GRIN3B: variants seen among roughly 807,000 people sequenced by gnomAD.
The protein encoded by GRIN3B is glutamate ionotropic receptor NMDA type subunit 3B, also known as glutamate receptor ionotropic, NMDA 3B.
A neutral mutation model predicts 66.0 loss-of-function variants in GRIN3B; 77 were observed. The ratio of observed to expected loss-of-function variants is 1.17; its 90% CI spans 0.97 to 1.41. The LOEUF is 1.41. Ranked by LOEUF, GRIN3B falls within the 40% of genes most tolerant of loss-of-function variation. The pLI is 0.00. For missense variants in GRIN3B, 1,787 were observed against 1,564.5 expected (o/e 1.14, Z -2.40); for synonymous variants, 823 against 749.7 (o/e 1.10, Z -1.60).
In GRIN3B at chr19:1,004,838, T is replaced by G. The variant is rs761292242; in HGVS notation, c.1337T>G (p.Leu446Arg). 1 of 1,612,442 alleles carries G rather than the reference T, an allele frequency of 6.2e-7. No homozygotes were observed. The highest frequency in any genetic ancestry group is 1.1e-5 in the South Asian group (1 of 91,058). ...DGQCPAGQLCLDPGTNDSATL... is the reference protein window; with the variant it reads ...DGQCPAGQLCRDPGTNDSATL... ...CAGTGCCCAGCGGGGCAGCTGTGCC[T>G]GGACCCTGGCACCAACGACTCGGCC... The change falls in exon 3 of 9, where the codon CTG becomes CGG. Residue 446 changes from leucine (L) to arginine (R), a missense_variant. Transcript: ENST00000234389.
chr19:1,000,583 C>A lies in GRIN3B; in HGVS notation c.146C>A (p.Ala49Asp), dbSNP rs1331993554. Residue 49 changes from alanine to aspartate, a missense_variant, in exon 1 of 9, where the codon GCC (alanine) becomes GAC (aspartate). Physicochemically the swap from Ala to Asp is moderately radical, Grantham distance 126 (BLOSUM62 -2). Coordinates refer to ENST00000234389, the MANE Select transcript of GRIN3B (RefSeq NM_138690.3). ...LGALLPRAPL[A>D]RARARAALAR... ...GCCCTCCTGCCCCGCGCGCCTCTCG[C>A]CCGCGCCCGCGCCCGCGCCGCCCTG... The A allele has an allele frequency of 9.9e-7, 1 of 1,010,004 alleles. No individual in the cohort carries two copies. Among genetic ancestry groups the A allele is most frequent in the Non-Finnish European group, 1.2e-6 (1 of 848,160 alleles). 62.6% of individuals were successfully genotyped at this position (1,010,004 alleles called of 1,614,324 possible).
At position 1,007,605 on chromosome 19, in the gene GRIN3B, C is replaced by T. The variant is rs2038764581; in HGVS notation, c.2053-23C>T. Reference sequence around the variant, plus strand: ...AGGGGTCCTGAGGGGCAGGCAGAGGCGCTGACGGGGTCCCCCGCGCAGCTG... The same window carrying T: ...AGGGGTCCTGAGGGGCAGGCAGAGGTGCTGACGGGGTCCCCCGCGCAGCTG... On this transcript the variant is annotated intron_variant, in intron 3 of 8. Coordinates refer to ENST00000234389, the MANE Select transcript of GRIN3B (RefSeq NM_138690.3). The surrounding 1 kb of genome is among the most constrained non-coding windows in gnomAD (Gnocchi z 4.4). 1.4e-6 allele frequency: 2 copies of T among 1,473,614 alleles called. No individual in the cohort carries two copies. The highest frequency in any genetic ancestry group is 2.6e-5 in the South Asian group (2 of 75,804). 91.3% of individuals were successfully genotyped at this position (1,473,614 alleles called of 1,614,324 possible).
chr19:1,004,720 C>A lies in GRIN3B; in HGVS notation c.1219C>A (p.Pro407Thr), dbSNP rs764918112. The change falls in exon 3 of 9, where the codon CCC (proline) becomes ACC (threonine). Residue 407 changes from proline (P) to threonine (T), a missense_variant. Pro to Thr is a conservative substitution (Grantham distance 38, BLOSUM62 -1). Coordinates refer to ENST00000234389, the MANE Select transcript of GRIN3B (RefSeq NM_138690.3). Reference sequence around the variant, plus strand: ...GGGAGGTGCCTCTGCACGGCCCCCGCCCCCACAGGGTGCCCAGGTCTGGCC... The same window carrying A: ...GGGAGGTGCCTCTGCACGGCCCCCGACCCCACAGGGTGCCCAGGTCTGGCC... ...EPGGASARPP[P>T]PQGAQVWPKL... 6.2e-7 allele frequency: 1 copy of A among 1,605,968 alleles called. No homozygotes were observed. The highest frequency in any genetic ancestry group is 8.5e-7 in the Non-Finnish European group (1 of 1,175,326).
chr19:1,007,902 C>CT lies in GRIN3B; in HGVS notation c.2246dup (p.Asp750GlyfsTer22), dbSNP rs755191805. On this transcript the variant is annotated frameshift_variant, in exon 5 of 9. Coordinates refer to ENST00000234389, the MANE Select transcript of GRIN3B (RefSeq NM_138690.3). LOFTEE classifies it high-confidence loss of function. This position sits in a 1 kb window ranked among gnomAD's most constrained non-coding sequence, Gnocchi z 4.4. ...CGCCTTCATCATGGACAAGTCGCTC[C>CT]TGGACTACGAGGTCTCCATCGACGC... 6.2e-7 allele frequency: 1 copy of CT among 1,611,980 alleles called. No homozygotes were observed. The highest frequency in any genetic ancestry group is 8.5e-7 in the Non-Finnish European group (1 of 1,179,584).
In GRIN3B at chr19:1,009,186, G is replaced by GAGCAGCAGC. The variant is rs142853420; in HGVS notation, c.2728_2736dup (p.Gln910_Gln912dup). The GAGCAGCAGC allele has an allele frequency of 1.3e-5, 19 of 1,471,616 alleles. No homozygotes were observed. Among genetic ancestry groups the GAGCAGCAGC allele is most frequent in the Middle Eastern group, 2.3e-4 (1 of 4,324 alleles). 91.2% of individuals were successfully genotyped at this position (1,471,616 alleles called of 1,614,324 possible). On this transcript the variant is annotated inframe_insertion, in exon 9 of 9. Transcript: ENST00000234389. ...TTCCGTCCCCAGCGGCCCCGAGGTGGAGCAGCAGCAGCAGCAGCAGGACCA... is the reference window on the plus strand; with the variant it reads ...TTCCGTCCCCAGCGGCCCCGAGGTGGAGCAGCAGCAGCAGCAGCAGCAGCAGCAGGACCA...
rs2038739715 is a variant in GRIN3B at position 1,005,551 on chromosome 19, A to C, written c.2050A>C (p.Lys684Gln). The C allele has an allele frequency of 6.3e-7, 1 of 1,585,540 alleles. No homozygotes were observed. Among genetic ancestry groups the C allele is most frequent in the East Asian group, 2.3e-5 (1 of 44,158 alleles). Residue 684 changes from lysine (K) to glutamine (Q), a missense_variant and splice_region_variant, in exon 3 of 9, where the codon AAG (lysine) becomes CAG (glutamine). Transcript: ENST00000234389. The surrounding 1 kb of genome is among the most constrained non-coding windows in gnomAD (Gnocchi z 5.2). ...FEELSGIHDP[K>Q]LHHPAQGFRF... The stretch of plus-strand genomic sequence containing the variant: ...GGAGCTGTCGGGGATCCACGACCCC[A>C]AGGTGGGCGGCCTCGGGGGGCTGCG...
rs1286530882 is a variant in GRIN3B, at chr19:1,007,361, G to A, written c.2053-267G>A. ...CAGCCCAGGGCGAGGTCCAGGTGGA[G>A]ATGGACTTGCCGGCGTTTAGAACAG... is the stretch of plus-strand genomic sequence containing the variant. On this transcript the variant is annotated intron_variant, in intron 3 of 8. Coordinates refer to ENST00000234389, the MANE Select transcript of GRIN3B (RefSeq NM_138690.3). The surrounding 1 kb of genome is among the most constrained non-coding windows in gnomAD (Gnocchi z 4.4). 3.3e-5 allele frequency among the ~76,000 whole-genome samples: 5 copies of A among 152,032 alleles called. No homozygotes were observed. Among genetic ancestry groups the A allele is most frequent in the Non-Finnish European group, 5.9e-5 (4 of 67,962 alleles).
Position 1,007,679 on chromosome 19 carries a change from G to T in GRIN3B, c.2104G>T (p.Ala702Ser). 1 of 1,536,160 alleles carries T rather than the reference G, an allele frequency of 6.5e-7. No homozygotes were observed. ...FRFGTVWESS[A>S]EAYIKKSFPD... ...CTTCGGCACCGTGTGGGAGAGCAGC[G>T]CCGAGGCGTACATCAAGAAGAGCTT... is the stretch of plus-strand genomic sequence containing the variant. The change falls in exon 4 of 9, where the codon GCC (alanine) becomes TCC (serine). Residue 702 changes from alanine to serine, a missense_variant. By Grantham distance (99) the Ala-to-Ser change is moderately conservative. Transcript: ENST00000234389. The surrounding 1 kb of genome is among the most constrained non-coding windows in gnomAD (Gnocchi z 4.4).
At position 1,009,224 on chromosome 19, in the gene GRIN3B, G is replaced by A; in HGVS notation, c.2754G>A (p.Pro918=). Residue 918 remains proline, a synonymous_variant, in exon 9 of 9, where the codon CCG becomes CCA. Transcript: ENST00000234389. ...QQQQQDQPTA[P]EGWKRARRAV... ...AGCAGCAGGACCAGCCAACGGCTCCGGAGGGCTGGAAACGGGCGCGCCGGG... is the reference window on the plus strand; with the variant it reads ...AGCAGCAGGACCAGCCAACGGCTCCAGAGGGCTGGAAACGGGCGCGCCGGG... 1 of 1,465,988 alleles carries A rather than the reference G, an allele frequency of 6.8e-7. No homozygotes were observed. Among genetic ancestry groups the A allele is most frequent in the Non-Finnish European group, 8.9e-7 (1 of 1,120,054 alleles). 90.8% of individuals were successfully genotyped at this position (1,465,988 alleles called of 1,614,324 possible). A position where few individuals can be genotyped will look rare whatever the true frequency, so the allele number is the denominator to read the frequency against.
Position 1,008,704 on chromosome 19 carries a change from C to A in GRIN3B, c.2553C>A (p.Gly851=), listed in dbSNP as rs78018859. Residue 851 remains glycine, a synonymous_variant, in exon 7 of 9, where the codon GGC becomes GGA. Transcript: ENST00000234389. ...GLGSALLSSL[G]EHAFFRLALP... ...GCAGCGCTCTGCTCAGCTCGCTGGG[C>A]GAGCACGCCTTCTTCCGCCTGGCGC... 6.8e-6 allele frequency: 11 copies of A among 1,607,932 alleles called. No homozygotes were observed. In the Admixed American group the frequency reaches 1.8e-4, roughly 27 times the overall value.
Position 1,007,599 on chromosome 19 carries a change from C to G in GRIN3B, c.2053-29C>G. The G allele has an allele frequency of 6.8e-7, 1 of 1,464,904 alleles. No individual in the cohort carries two copies. Among genetic ancestry groups the G allele is most frequent in the Non-Finnish European group, 9.0e-7 (1 of 1,110,960 alleles). The allele number at this position is 1,464,904 out of a possible 1,614,324, so 90.7% of individuals were successfully genotyped here. A position where few individuals can be genotyped will look rare whatever the true frequency, so the allele number is the denominator to read the frequency against. On this transcript the variant is annotated intron_variant, in intron 3 of 8. Coordinates refer to ENST00000234389, the MANE Select transcript of GRIN3B (RefSeq NM_138690.3). The surrounding 1 kb of genome is among the most constrained non-coding windows in gnomAD (Gnocchi z 4.4). Reference sequence around the variant, plus strand: ...ATGGTCAGGGGTCCTGAGGGGCAGGCAGAGGCGCTGACGGGGTCCCCCGCG... The same window carrying G: ...ATGGTCAGGGGTCCTGAGGGGCAGGGAGAGGCGCTGACGGGGTCCCCCGCG...
chr19:1,000,628 C>G lies in GRIN3B; in HGVS notation c.191C>G (p.Pro64Arg). ...GCCCTGGCCCGGGCCGCCCTGGCGC[C>G]GCGGCTGCCGCACAACCTGAGCTTG... ...RAALARAALA[P>R]RLPHNLSLEL... The change falls in exon 1 of 9, where the codon CCG becomes CGG. Residue 64 changes from proline to arginine, a missense_variant. By Grantham distance (103) the Pro-to-Arg change is moderately radical. Coordinates refer to ENST00000234389, the MANE Select transcript of GRIN3B (RefSeq NM_138690.3). 2.5e-6 allele frequency: 3 copies of G among 1,191,912 alleles called. No individual in the cohort carries two copies. Among genetic ancestry groups the G allele is most frequent in the Non-Finnish European group, 3.1e-6 (3 of 964,428 alleles). 73.8% of individuals were successfully genotyped at this position (1,191,912 alleles called of 1,614,324 possible).
At position 1,009,682 on chromosome 19, in the gene GRIN3B, C is replaced by G. The variant is rs538503675; in HGVS notation, c.*80C>G. On this transcript the variant is annotated 3_prime_UTR_variant, in exon 9 of 9. Transcript: ENST00000234389. The stretch of plus-strand genomic sequence containing the variant: ...GTCAACAGACAGTTTATTCTATATA[C>G]AAACACAATTTTGTACACTGCAATT... 214 of 1,159,800 alleles carry G rather than the reference C, an allele frequency of 1.8e-4. No homozygotes were observed. The highest frequency in any genetic ancestry group is 2.2e-4 in the Non-Finnish European group (192 of 886,636). The allele number at this position is 1,159,800 out of a possible 1,614,324, so 71.8% of individuals were successfully genotyped here.
intron 8 of GRIN3B, 81 bp from the exon 9 acceptor site, chr19:1,009,092 T>C (rs2038803855): frequency 2.8e-6 from 4 of 1,443,260 alleles, no homozygotes; most frequent in Non-Finnish European, 3.6e-6. Flanking sequence ...GGCCATCCTC[T>C]GCCGTCAGCG....
chr19:1,008,645 G>A lies in GRIN3B; in HGVS notation c.2494G>A (p.Ala832Thr), dbSNP rs867266865. The stretch of plus-strand genomic sequence containing the variant: ...CCTGCAGATGAGCATCTACCACTTC[G>A]CGGGCCTCTTCGTGTTGCTGTGCCT... The part of the protein sequence containing the change: ...ETLQMSIYHF[A>T]GLFVLLCLGL... The change falls in exon 7 of 9, where the codon GCG (alanine) becomes ACG (threonine). Residue 832 changes from alanine to threonine, a missense_variant. Coordinates refer to ENST00000234389, the MANE Select transcript of GRIN3B (RefSeq NM_138690.3). 6.2e-6 allele frequency: 10 copies of A among 1,601,808 alleles called. No homozygotes were observed. The highest frequency in any genetic ancestry group is 1.7e-5 in the Admixed American group (1 of 59,986).
Position 1,003,176 on chromosome 19 carries a change from T to G in GRIN3B, c.473T>G (p.Leu158Arg). 1 of 1,503,828 alleles carries G rather than the reference T, an allele frequency of 6.6e-7. No individual in the cohort carries two copies. Among genetic ancestry groups the G allele is most frequent in the South Asian group, 1.3e-5 (1 of 74,928 alleles). The allele number at this position is 1,503,828 out of a possible 1,614,324, so 93.2% of individuals were successfully genotyped here. A position where few individuals can be genotyped will look rare whatever the true frequency, so the allele number is the denominator to read the frequency against. The change falls in exon 2 of 9, where the codon CTG becomes CGG. Residue 158 changes from leucine to arginine, a missense_variant. Physicochemically the swap from Leu to Arg is moderately radical, Grantham distance 102 (BLOSUM62 -2). Coordinates refer to ENST00000234389, the MANE Select transcript of GRIN3B (RefSeq NM_138690.3). ...QLHWASPLET[L>R]LDVLVAVLQA... ...CACTGGGCCAGCCCCCTGGAGACGCTGCTGGATGTGCTGGTGGCGGTGCTG... is the reference window on the plus strand; with the variant it reads ...CACTGGGCCAGCCCCCTGGAGACGCGGCTGGATGTGCTGGTGGCGGTGCTG...
chr19:1,006,585 G>T (rs931833389), intron 3 of GRIN3B, among the ~76,000 whole-genome samples: 2 of 152,152 alleles, frequency 1.3e-5, no homozygotes, highest in Non-Finnish European at 2.9e-5. Context: ...GGGATTAGAC[G>T]TGAGCCATCG....
rs748834328 is a variant in GRIN3B, at chr19:1,008,216, C to T, written c.2391C>T (p.Ser797=). 5.0e-6 allele frequency: 8 copies of T among 1,611,584 alleles called. No individual in the cohort carries two copies. The highest frequency in any genetic ancestry group is 3.3e-5 in the Admixed American group (2 of 59,798). The change falls in exon 6 of 9, where the codon TCC becomes TCT. Residue 797 remains serine (S), a synonymous_variant. Coordinates refer to ENST00000234389, the MANE Select transcript of GRIN3B (RefSeq NM_138690.3). The part of the protein sequence containing the change: ...LSEFISRYKS[S]GFIDLLHDKW... ...AGTTCATCAGCCGCTACAAGTCCTC[C>T]GGCTTCATCGACCTGCTCCACGACA...
At position 1,004,478 on chromosome 19, in the gene GRIN3B, G is replaced by C. The variant is rs765290180; in HGVS notation, c.1020-43G>C. 7 of 1,509,542 alleles carry C rather than the reference G, an allele frequency of 4.6e-6. No homozygotes were observed. In the Admixed American group the frequency reaches 7.8e-5, roughly 17 times the overall value. The allele number at this position is 1,509,542 out of a possible 1,614,324, so 93.5% of individuals were successfully genotyped here. A position where few individuals can be genotyped will look rare whatever the true frequency, so the allele number is the denominator to read the frequency against. ...TGGGCAGGGGTGAGAGGATGGAGGG[G>C]TGTGAACTTCGACACCTGACACCCC... On this transcript the variant is annotated intron_variant, in intron 2 of 8. Transcript: ENST00000234389.
Sources: allele counts gnomAD v4.1 joint callset (sites outside exome capture counted in the v4.1 genomes callset), GRCh38; gene constraint gnomAD v4.1.1; non-coding constraint Gnocchi (gnomAD v3.1); transcripts MANE v1.5; gene names NCBI Gene and HGNC (gene_info 2026-07-23, HGNC 2026-07-21).